The following CNTNAP2 variants were observed in gnomAD, a reference collection of about 807,000 sequenced individuals.
The protein encoded by CNTNAP2 is contactin-associated protein-like 2.
CNTNAP2 carries 98 observed loss-of-function variants against 155.2 expected under a neutral mutation model. That is an observed-to-expected ratio of 0.63 (90% CI 0.54 to 0.75). The LOEUF (loss-of-function observed/expected upper bound fraction) is 0.75, where lower values mean the gene tolerates loss of function less well. Ranked by LOEUF, CNTNAP2 falls within the 30% of genes least tolerant of loss-of-function variation. CNTNAP2 has a pLI of 0.00. For missense variants in CNTNAP2, 1,727 were observed against 1,688.1 expected (o/e 1.02, Z -0.40); for synonymous variants, 651 against 631.2 (o/e 1.03, Z -0.47).
At chr7:147,841,955 TA>T (rs1343631705) in intron 13 of CNTNAP2, among the ~76,000 whole-genome samples, 1 of 150,886 alleles carries the variant, frequency 6.6e-6, no homozygotes, top group Non-Finnish European at 1.5e-5. Flanking sequence ...TGGTAGATTT[TA>T]AATTATAAAC....
intron 1 of CNTNAP2, among the ~76,000 whole-genome samples, chr7:146,220,281 T>G (rs1251848898): frequency 2.0e-5 from 1 of 50,890 alleles, no homozygotes; most frequent in East Asian, 2.0e-3. Flanking sequence ...TATTGGGGAA[T>G]GCATGCTAAA....
intron 15 of CNTNAP2, among the ~76,000 whole-genome samples, chr7:148,040,137 T>A (rs73468151): frequency 0.014 from 2,138 of 152,302 alleles, 70 homozygotes; most frequent in African/African-American, 0.048. Context: ...TAAATTCACA[T>A]CTAGCTTAAG....
intron 18 of CNTNAP2, among the ~76,000 whole-genome samples, chr7:148,209,468 C>T (rs1036258665): frequency 6.6e-6 from 1 of 151,960 alleles, no homozygotes; most frequent in African/African-American, 2.4e-5. Flanking sequence ...TATCCCCAAC[C>T]CCACCAAGAT....
intron 9 of CNTNAP2, among the ~76,000 whole-genome samples, chr7:147,382,408 C>T (rs1796551674): frequency 6.6e-6 from 1 of 152,100 alleles, no homozygotes. Context: ...GTGCATTTTG[C>T]AGAGTGAGGA....
chr7:147,234,691 A>G (rs1156716214), intron 8 of CNTNAP2, among the ~76,000 whole-genome samples: 1 of 152,130 alleles, frequency 6.6e-6, no homozygotes, highest in Non-Finnish European at 1.5e-5. Context: ...TGTTGCAGCG[A>G]GTTTCATTGA....
intron 21 of CNTNAP2, among the ~76,000 whole-genome samples, chr7:148,345,851 T>G (rs1047624756): frequency 2.6e-5 from 4 of 152,232 alleles, no homozygotes; most frequent in Admixed American, 1.3e-4. Context: ...TGACTGATTT[T>G]TTTTTCTTGG....
chr7:146,753,288 G>A (rs191601916), intron 1 of CNTNAP2, among the ~76,000 whole-genome samples: 7 of 151,726 alleles, frequency 4.6e-5, no homozygotes, highest in Middle Eastern at 6.8e-3. Flanking sequence ...ACCAGGTGAG[G>A]TTTCCTTACA....
intron 3 of CNTNAP2, chr7:146,962,917 A>T (rs749904129): frequency 1.3e-5 from 2 of 152,252 alleles, no homozygotes; most frequent in African/African-American, 4.8e-5. Flanking sequence ...CATTCACCCT[A>T]GACTGCTCTC....
At chr7:147,985,921 C>T (rs1254182195) in intron 15 of CNTNAP2, among the ~76,000 whole-genome samples, 3 of 152,096 alleles carry the variant, frequency 2.0e-5, no homozygotes, top group Non-Finnish European at 4.4e-5. Context: ...TCTAATGGAG[C>T]CACAGGTGCT....
Position 146,721,889 on chromosome 7 carries a change from A to ATATATTTTTT in CNTNAP2, c.98-52381_98-52380insATATTTTTTT. Among the ~76,000 whole-genome samples the ATATATTTTTT allele has an allele frequency of 5.6e-4, 39 of 69,706 alleles. 6 individuals carry two copies. The African/African-American group carries it at 6.7e-3, about 12-fold the overall frequency. 45.7% of individuals were successfully genotyped at this position (69,706 alleles called of 152,430 possible). ...TGTGTGTGTGTGTATATATATATAT[A>ATATATTTTTT]TTTTTTTTTTTTTTTTTGAGATGGA... On this transcript the variant is annotated intron_variant, in intron 1 of 23. Transcript: ENST00000361727.
intron 9 of CNTNAP2, among the ~76,000 whole-genome samples, chr7:147,349,191 T>C (rs997136364): frequency 6.6e-6 from 1 of 151,914 alleles, no homozygotes; most frequent in African/African-American, 2.4e-5. Context: ...ATACGCTAAT[T>C]ATCCTAATCT....
At chr7:146,230,687 C>A (rs1799368746) in intron 1 of CNTNAP2, among the ~76,000 whole-genome samples, 1 of 152,254 alleles carries the variant, frequency 6.6e-6, no homozygotes, top group African/African-American at 2.4e-5. Context: ...GAAAGCATTT[C>A]CCATCTGGCA....
intron 8 of CNTNAP2, among the ~76,000 whole-genome samples, chr7:147,227,485 C>A (rs1430414150): frequency 2.0e-5 from 3 of 152,012 alleles, no homozygotes; most frequent in African/African-American, 7.3e-5. Flanking sequence ...AAAGGCTGAC[C>A]AGTTAGAAAA....
At chr7:147,998,103 C>CTTTTGT (rs1230760990) in intron 15 of CNTNAP2, among the ~76,000 whole-genome samples, 2 of 75,804 alleles carry the variant, frequency 2.6e-5, no homozygotes, top group East Asian at 8.3e-4. Flanking sequence ...TTTCTTTTTT[C>CTTTTGT]TTTTTTTTTT....
chr7:146,230,783 A>G (rs757812341), intron 1 of CNTNAP2, among the ~76,000 whole-genome samples: 5 of 152,144 alleles, frequency 3.3e-5, no homozygotes, highest in Non-Finnish European at 5.9e-5. Flanking sequence ...TGGGAGGCCG[A>G]GGCAGGTGGA....
intron 12 of CNTNAP2, among the ~76,000 whole-genome samples, chr7:147,625,635 C>G (rs2116900140): frequency 6.6e-6 from 1 of 152,184 alleles, no homozygotes; most frequent in African/African-American, 2.4e-5. Flanking sequence ...GGCAAGATGG[C>G]AGATAGGAGA....
intron 12 of CNTNAP2, among the ~76,000 whole-genome samples, chr7:147,588,044 G>A (rs1337556064): frequency 6.6e-6 from 1 of 152,036 alleles, no homozygotes; most frequent in African/African-American, 2.4e-5. Flanking sequence ...AATCATAAAT[G>A]TTCCATAATA....
chr7:148,358,990 G>C (rs186986055), intron 21 of CNTNAP2, among the ~76,000 whole-genome samples: 24 of 152,350 alleles, frequency 1.6e-4, no homozygotes, highest in South Asian at 6.2e-4. Flanking sequence ...GTGTAAGGAC[G>C]ATTCAGTCAA....
chr7:147,075,178 TATAA>T (rs1217053745), intron 4 of CNTNAP2, among the ~76,000 whole-genome samples: 1 of 152,232 alleles, frequency 6.6e-6, no homozygotes, highest in African/African-American at 2.4e-5. Context: ...AATCTCATTT[TATAA>T]ATAAATGCTT....
Sources: gnomAD v4.1 joint callset for allele counts (sites outside exome capture counted in the v4.1 genomes callset) on GRCh38, gnomAD v4.1.1 for gene constraint, MANE v1.5 for transcripts, NCBI Gene and HGNC (gene_info 2026-07-23, HGNC 2026-07-21) for gene names.